PRKAR1B: variants seen among roughly 807,000 people sequenced by gnomAD.
The protein encoded by PRKAR1B is protein kinase cAMP-dependent type I regulatory subunit beta, also known as cAMP-dependent protein kinase type I-beta regulatory subunit.
PRKAR1B carries 22 observed loss-of-function variants against 46.5 expected under a neutral mutation model. That is an observed-to-expected ratio of 0.47 (90% confidence interval 0.34 to 0.68). The LOEUF (loss-of-function observed/expected upper bound fraction) is 0.68. Among genes scored for constraint, PRKAR1B ranks in the 30% least tolerant of loss-of-function variants. PRKAR1B has a pLI of 0.01. For missense variants in PRKAR1B, 445 were observed against 535.6 expected (o/e 0.83, Z 1.67); for synonymous variants, 259 against 217.7 (o/e 1.19, Z -1.67).
At chr7:558,441 G>C (rs1778587263) in intron 9 of PRKAR1B, among the ~76,000 whole-genome samples, 1 of 151,792 alleles carries the variant, frequency 6.6e-6, no homozygotes, top group Non-Finnish European at 1.5e-5. Flanking sequence ...TTTCTACAAT[G>C]GGCAGGTATG....
intron 2 of PRKAR1B, among the ~76,000 whole-genome samples, chr7:703,733 C>T (rs886795554): frequency 6.6e-6 from 1 of 151,296 alleles, no homozygotes; most frequent in Non-Finnish European, 1.5e-5. Flanking sequence ...ACCTAACCAA[C>T]ATTTCCAGAA....
At chr7:584,019 GT>G (rs1163433125) in intron 8 of PRKAR1B, among the ~76,000 whole-genome samples, 1 of 152,218 alleles carries the variant, frequency 6.6e-6, no homozygotes, top group Non-Finnish European at 1.5e-5. Context: ...CCAGCCTGCC[GT>G]TATCCTTCCC....
intron 4 of PRKAR1B, among the ~76,000 whole-genome samples, chr7:627,148 C>T (rs1783449800): frequency 6.6e-6 from 1 of 152,144 alleles, no homozygotes; most frequent in African/African-American, 2.4e-5. Context: ...GCAGGGATTA[C>T]AGGCATTTTT....
At chr7:617,219 T>C (rs917841983) in intron 4 of PRKAR1B, among the ~76,000 whole-genome samples, 3 of 151,688 alleles carry the variant, frequency 2.0e-5, no homozygotes, top group African/African-American at 4.8e-5. Context: ...GGTCTCGAAC[T>C]CCTGACCTCA....
intron 4 of PRKAR1B, among the ~76,000 whole-genome samples, chr7:628,117 C>G (rs1317356216): frequency 6.6e-6 from 1 of 152,220 alleles, no homozygotes; most frequent in African/African-American, 2.4e-5. Flanking sequence ...CATAACCAGC[C>G]ATCCACGGCC....
Position 635,968 on chromosome 7 carries a change from G to A in PRKAR1B, c.441-28516C>T, listed in dbSNP as rs1204829234. ...CATCCTCCACCGGCCGCGCCCTCACGTCCTCCACCGGCCGCGCCCTCACGT... is the reference window on the plus strand; with the variant it reads ...CATCCTCCACCGGCCGCGCCCTCACATCCTCCACCGGCCGCGCCCTCACGT... On this transcript the variant is annotated intron_variant, in intron 4 of 10. Coordinates refer to ENST00000537384, the MANE Select transcript of PRKAR1B (RefSeq NM_001164760.2). Among the ~76,000 whole-genome samples, 133 of 109,250 alleles carry A rather than the reference G, an allele frequency of 1.2e-3. 1 individual carries two copies. Among genetic ancestry groups the A allele is most frequent in the East Asian group, 3.2e-3 (12 of 3,708 alleles). 71.7% of individuals were successfully genotyped at this position (109,250 alleles called of 152,430 possible).
chr7:562,009 C>T (rs1048055737), intron 9 of PRKAR1B: 6 of 152,424 alleles, frequency 3.9e-5, no homozygotes, highest in Admixed American at 6.5e-5. Flanking sequence ...ATGGAAGCTC[C>T]GGTGGGTGCT....
chr7:724,069 G>A (rs1250352362), intron 1 of PRKAR1B, among the ~76,000 whole-genome samples: 1 of 152,168 alleles, frequency 6.6e-6, no homozygotes, highest in Non-Finnish European at 1.5e-5. Context: ...CAAAGACCTT[G>A]TCTCCAAACA....
chr7:580,795 C>T (rs544862452), intron 8 of PRKAR1B, among the ~76,000 whole-genome samples: 5 of 150,240 alleles, frequency 3.3e-5, no homozygotes, highest in East Asian at 3.9e-4. Context: ...AAATCAGATG[C>T]TACCTATGTA....
At chr7:660,314 T>G (rs1430901789) in intron 4 of PRKAR1B, among the ~76,000 whole-genome samples, 1 of 151,938 alleles carries the variant, frequency 6.6e-6, no homozygotes, top group Non-Finnish European at 1.5e-5. Flanking sequence ...CTGCTGCCTC[T>G]CGACACCTCC....
intron 1 of PRKAR1B, among the ~76,000 whole-genome samples, chr7:712,083 A>C: frequency 6.6e-6 from 1 of 151,474 alleles, no homozygotes; most frequent in Non-Finnish European, 1.5e-5. Flanking sequence ...GTGCGGGAGA[A>C]CAAATGCGGC....
rs565204323 is a variant in PRKAR1B at position 595,641 on chromosome 7, G to T, written c.708+505C>A. Among the ~76,000 whole-genome samples the T allele has an allele frequency of 2.7e-3, 409 of 152,320 alleles. 2 individuals carry two copies. The highest frequency in any genetic ancestry group is 9.4e-3 in the African/African-American group (390 of 41,552). ...ATAGCACCCCCGCCGCCCACAGCAA[G>T]CACAGGCATACACCCACGTGTGCAC... On this transcript the variant is annotated intron_variant, in intron 7 of 10. Transcript: ENST00000537384.
chr7:677,370 G>A lies in PRKAR1B; in HGVS notation c.349-50C>T, dbSNP rs766820628. 101 of 1,531,726 alleles carry A rather than the reference G, an allele frequency of 6.6e-5. 1 individual carries two copies. In the Admixed American group the frequency reaches 1.7e-3, roughly 25 times the overall value. The allele number at this position is 1,531,726 out of a possible 1,614,324, so 94.9% of individuals were successfully genotyped here. On this transcript the variant is annotated intron_variant, in intron 3 of 10. Transcript: ENST00000537384. ...GTGTGAGCCACCCTGGCCTGATGCT[G>A]TGACGCGGCCTGAAATCTCCCTACT...
At chr7:631,221 G>A (rs1783718982) in intron 4 of PRKAR1B, among the ~76,000 whole-genome samples, 1 of 152,240 alleles carries the variant, frequency 6.6e-6, no homozygotes, top group Admixed American at 6.5e-5. Context: ...AAAGTGTTGG[G>A]ATGACAGGCG....
intron 6 of PRKAR1B, among the ~76,000 whole-genome samples, chr7:605,642 G>A (rs1028007051): frequency 6.6e-6 from 1 of 152,208 alleles, no homozygotes; most frequent in Admixed American, 6.5e-5. Context: ...AACAGTGGGA[G>A]CATCTCATAA....
chr7:682,098 G>C (rs927490707), intron 2 of PRKAR1B, among the ~76,000 whole-genome samples: 1 of 152,136 alleles, frequency 6.6e-6, no homozygotes, highest in Non-Finnish European at 1.5e-5. Flanking sequence ...GGAGAAGTCA[G>C]GAATCAGCAG....
intron 8 of PRKAR1B, among the ~76,000 whole-genome samples, chr7:583,647 T>C (rs1481122383): frequency 1.7e-5 from 2 of 118,736 alleles, no homozygotes; most frequent in Non-Finnish European, 1.7e-5. Flanking sequence ...CTCACATGCA[T>C]GCACACCCAT....
At chr7:615,022 A>G (rs1244499849) in intron 4 of PRKAR1B, among the ~76,000 whole-genome samples, 1 of 151,804 alleles carries the variant, frequency 6.6e-6, no homozygotes, top group African/African-American at 2.4e-5. Context: ...GGCTGCAGGG[A>G]GCTGAGATTG....
At chr7:670,143 T>C (rs961505644) in intron 4 of PRKAR1B, among the ~76,000 whole-genome samples, 1 of 151,968 alleles carries the variant, frequency 6.6e-6, no homozygotes, top group Non-Finnish European at 1.5e-5. Flanking sequence ...GCTGGAATTA[T>C]GGACGTGAGC....
Sources: gnomAD v4.1 joint callset for allele counts (sites outside exome capture counted in the v4.1 genomes callset) on GRCh38, gnomAD v4.1.1 for gene constraint, MANE v1.5 for transcripts, NCBI Gene and HGNC (gene_info 2026-07-23, HGNC 2026-07-21) for gene names.